Variants in GHR observed in about 807,000 individuals in gnomAD.
GHR encodes GH receptor.
GHR carries 35 observed loss-of-function variants against 67.1 expected under a neutral mutation model. The observed-to-expected ratio is 0.52, with a 90% CI of 0.40 to 0.69. The LOEUF (loss-of-function observed/expected upper bound fraction) is 0.69. Among genes scored for constraint, GHR ranks in the 30% least tolerant of loss-of-function variants. GHR has a pLI of 0.00. For missense variants in GHR, 792 were observed against 764.6 expected (o/e 1.04, Z -0.42); for synonymous variants, 272 against 269.1 (o/e 1.01, Z -0.10).
intron 1 of GHR, chr5:42,467,093 A>G (rs765879013): frequency 4.5e-5 from 72 of 1,588,338 alleles, no homozygotes; most frequent in Non-Finnish European, 6.2e-5. Context: ...ATAAGTAGGT[A>G]TGAGCTACAT....
intron 1 of GHR, among the ~76,000 whole-genome samples, chr5:42,546,713 G>A (rs1748746929): frequency 6.6e-6 from 1 of 152,164 alleles, no homozygotes; most frequent in African/African-American, 2.4e-5. Flanking sequence ...ATGTTTCAAA[G>A]CATATTTGTG....
At chr5:42,607,586 C>T (rs1035966687) in intron 2 of GHR, among the ~76,000 whole-genome samples, 6 of 152,088 alleles carry the variant, frequency 3.9e-5, no homozygotes, top group Admixed American at 3.9e-4. Context: ...TAATCAGTTG[C>T]TACATGTTAT....
At chr5:42,582,093 G>A (rs1440126604) in intron 2 of GHR, among the ~76,000 whole-genome samples, 2 of 152,270 alleles carry the variant, frequency 1.3e-5, no homozygotes, top group Admixed American at 6.5e-5. Flanking sequence ...ACCAGCATGG[G>A]AGGGAGACTG....
intron 1 of GHR, among the ~76,000 whole-genome samples, chr5:42,428,715 G>C (rs1742961139): frequency 6.6e-6 from 1 of 152,140 alleles, no homozygotes; most frequent in Non-Finnish European, 1.5e-5. Flanking sequence ...CAGTCTCTTT[G>C]CTAAAGCATT....
chr5:42,504,106 T>C (rs1469293526), intron 1 of GHR, among the ~76,000 whole-genome samples: 1 of 152,180 alleles, frequency 6.6e-6, no homozygotes, highest in Non-Finnish European at 1.5e-5. Context: ...TCTTTGAGCA[T>C]AGCTGTAATG....
intron 6 of GHR, 28 bp downstream of exon 6, chr5:42,700,030 G>T: frequency 7.0e-7 from 1 of 1,420,296 alleles, no homozygotes; most frequent in South Asian, 1.2e-5. Context: ...CTTACACTTT[G>T]ACTTTTCTTT....
chr5:42,434,656 A>G (rs780721584), intron 1 of GHR, among the ~76,000 whole-genome samples: 7 of 152,180 alleles, frequency 4.6e-5, no homozygotes, highest in Non-Finnish European at 8.8e-5. Flanking sequence ...ATAACTATGG[A>G]ATAGCATGTT....
chr5:42,582,262 T>G (rs564728097), intron 2 of GHR, among the ~76,000 whole-genome samples: 1 of 152,368 alleles, frequency 6.6e-6, no homozygotes, highest in Non-Finnish European at 1.5e-5. Context: ...AAGCCAGGGA[T>G]GGCCGGAAGC....
At chr5:42,608,239 T>C (rs1752722282) in intron 2 of GHR, among the ~76,000 whole-genome samples, 1 of 152,100 alleles carries the variant, frequency 6.6e-6, no homozygotes, top group Admixed American at 6.5e-5. Flanking sequence ...TAGTTGGTAC[T>C]TTTGTTAACA....
chr5:42,565,597 G>A (rs993480083), intron 1 of GHR: 27 of 985,248 alleles, frequency 2.7e-5, no homozygotes, highest in Non-Finnish European at 3.1e-5. Flanking sequence ...TGTTTCTATG[G>A]CTTTGAGCCA....
chr5:42,719,717 T>G lies in GHR; in HGVS notation c.*293T>G. 1 of 414,964 alleles carries G rather than the reference T, an allele frequency of 2.4e-6. No homozygotes were observed. Among genetic ancestry groups the G allele is most frequent in the Non-Finnish European group, 4.5e-6 (1 of 220,650 alleles). 25.7% of individuals were successfully genotyped at this position (414,964 alleles called of 1,614,324 possible). A position where few individuals can be genotyped will look rare whatever the true frequency, so the allele number is the denominator to read the frequency against. ...GGGTGTTAATTTTTGATACTAAGCATTGAATGGCTATGTTTTTAATGTATA... is the reference window on the plus strand; with the variant it reads ...GGGTGTTAATTTTTGATACTAAGCAGTGAATGGCTATGTTTTTAATGTATA... On this transcript the variant is annotated 3_prime_UTR_variant, in exon 10 of 10. Transcript: ENST00000230882.
intron 6 of GHR, among the ~76,000 whole-genome samples, chr5:42,700,415 C>A (rs1448536166): frequency 2.6e-5 from 4 of 152,100 alleles, no homozygotes; most frequent in African/African-American, 9.7e-5. Context: ...AAAACAAATT[C>A]ATACGTGTCT....
chr5:42,559,968 A>G (rs1035299692), intron 1 of GHR, among the ~76,000 whole-genome samples: 7 of 152,170 alleles, frequency 4.6e-5, no homozygotes, highest in African/African-American at 1.7e-4. Context: ...CACCAAGGAG[A>G]TCAACTAGAT....
At chr5:42,447,652 C>T (rs1743863357) in intron 1 of GHR, among the ~76,000 whole-genome samples, 1 of 150,914 alleles carries the variant, frequency 6.6e-6, no homozygotes, top group South Asian at 2.1e-4. Flanking sequence ...TTCCTTCCTT[C>T]CTTCTTTTCT....
chr5:42,586,188 C>G (rs1751465983), intron 2 of GHR, among the ~76,000 whole-genome samples: 1 of 152,102 alleles, frequency 6.6e-6, no homozygotes, highest in Non-Finnish European at 1.5e-5. Context: ...CCTCCTCCTC[C>G]TCCTCCTCTC....
At chr5:42,598,036 T>C (rs1270241378) in intron 2 of GHR, among the ~76,000 whole-genome samples, 6 of 152,342 alleles carry the variant, frequency 3.9e-5, no homozygotes, top group South Asian at 4.1e-4. Context: ...ATGTCTTTAA[T>C]GATGACCAAA....
intron 8 of GHR, chr5:42,714,007 A>C (rs1165329764): frequency 6.4e-6 from 1 of 155,954 alleles, no homozygotes; most frequent in Non-Finnish European, 1.4e-5. Context: ...GCCGCCCCCC[A>C]GGTTCAAGCA....
At chr5:42,604,931 C>T (rs561238762) in intron 2 of GHR, among the ~76,000 whole-genome samples, 155 of 151,832 alleles carry the variant, frequency 1.0e-3, no homozygotes, top group Non-Finnish European at 1.9e-3. Context: ...TTATCTAGTT[C>T]TTTTGTTTGA....
chr5:42,472,488 T>G (rs965423768), intron 1 of GHR, among the ~76,000 whole-genome samples: 8 of 152,176 alleles, frequency 5.3e-5, no homozygotes, highest in Non-Finnish European at 1.0e-4. Flanking sequence ...TAGAGAACAT[T>G]AGAAGCATTT....
Sources: gnomAD v4.1 joint callset for allele counts (sites outside exome capture counted in the v4.1 genomes callset) on GRCh38, gnomAD v4.1.1 for gene constraint, MANE v1.5 for transcripts, NCBI Gene and HGNC (gene_info 2026-07-23, HGNC 2026-07-21) for gene names.